ATP2B2: variants seen among roughly 807,000 people sequenced by gnomAD.
ATP2B2 encodes the protein ATPase plasma membrane Ca2+ transporting 2.
Under a neutral mutation model 120.0 loss-of-function variants are expected in ATP2B2, and 15 were observed. That is an observed-to-expected ratio of 0.12 (90% CI 0.08 to 0.19). The LOEUF is 0.19. ATP2B2 is among the 10% of genes least tolerant of loss of function. The probability of loss-of-function intolerance (pLI) is 1.00; values close to 1 mark genes in which losing one functional copy is unlikely to be tolerated. For missense variants in ATP2B2, 1,045 were observed against 1,719.8 expected (o/e 0.61, Z 6.94); for synonymous variants, 694 against 700.3 (o/e 0.99, Z 0.14).
chr3:10,610,646 A>G (rs2069208789), intron 2 of ATP2B2, among the ~76,000 whole-genome samples: 1 of 152,224 alleles, frequency 6.6e-6, no homozygotes, highest in Non-Finnish European at 1.5e-5. Context: ...TCTCGCAAGC[A>G]AAAGTGAGCC....
chr3:10,374,352 A>T (rs2061325728), intron 11 of ATP2B2, among the ~76,000 whole-genome samples: 1 of 152,182 alleles, frequency 6.6e-6, no homozygotes, highest in Admixed American at 6.5e-5. Flanking sequence ...CAGGAAGACG[A>T]TAAGGGCCGT....
intron 22 of ATP2B2, among the ~76,000 whole-genome samples, chr3:10,331,329 AGAATGG>A (rs1265229997): frequency 6.6e-6 from 1 of 152,246 alleles, no homozygotes; most frequent in Admixed American, 6.5e-5. Context: ...TCTTGTTTGT[AGAATGG>A]GAATAGCATC....
rs527270453 is a variant in ATP2B2, at chr3:10,582,453, G to A, written c.-415+37464C>T. On this transcript the variant is annotated intron_variant, in intron 2 of 21. Transcript: ENST00000646379. ...TCCAGGGATGGACTCTCGGACTGAC[G>A]TTCCAGTGGGGAGACAGATGATGAA... Among the ~76,000 whole-genome samples, 5 of 152,302 alleles carry A rather than the reference G, an allele frequency of 3.3e-5. No individual in the cohort carries two copies. The South Asian group carries it at 1.0e-3, about 32-fold the overall frequency.
chr3:10,491,339 C>T (rs921502771), intron 1 of ATP2B2, among the ~76,000 whole-genome samples: 3 of 151,832 alleles, frequency 2.0e-5, no homozygotes, highest in African/African-American at 4.8e-5. Context: ...AGTTCTCCTG[C>T]CTCAGCCTCC....
At chr3:10,587,336 G>GTATATATGTCTCAATATATATGTA (rs2068534478) in intron 2 of ATP2B2, among the ~76,000 whole-genome samples, 4 of 151,022 alleles carry the variant, frequency 2.6e-5, no homozygotes, top group South Asian at 2.1e-4. Context: ...CAATATATAT[G>GTATATATGTCTCAATATATATGTA]TATATATATA....
intron 5 of ATP2B2, among the ~76,000 whole-genome samples, chr3:10,396,077 C>T (rs144140466): frequency 2.6e-5 from 4 of 152,356 alleles, no homozygotes; most frequent in African/African-American, 7.2e-5. Flanking sequence ...TTTCTGAAGG[C>T]TGGTCTGCCC....
chr3:10,546,767 T>TGGGGAGACTGAGGCTCTTAG (rs1448760625), intron 2 of ATP2B2, among the ~76,000 whole-genome samples: 1 of 152,114 alleles, frequency 6.6e-6, no homozygotes, highest in Non-Finnish European at 1.5e-5. Flanking sequence ...CACTTTACAA[T>TGGGGAGACTGAGGCTCTTAG]GGGGAGACTG....
chr3:10,593,299 G>T (rs959327194), intron 2 of ATP2B2, among the ~76,000 whole-genome samples: 3 of 152,200 alleles, frequency 2.0e-5, no homozygotes, highest in African/African-American at 7.2e-5. Flanking sequence ...TTTCACAGAT[G>T]AAAAACTGAG....
chr3:10,621,197 GTTCTC>G (rs1228511125), intron 1 of ATP2B2, among the ~76,000 whole-genome samples: 1 of 152,000 alleles, frequency 6.6e-6, no homozygotes, highest in Non-Finnish European at 1.5e-5. Flanking sequence ...CCTCCATCCT[GTTCTC>G]TTCTACTGCA....
intron 1 of ATP2B2, among the ~76,000 whole-genome samples, chr3:10,634,356 C>T (rs1436191205): frequency 2.6e-5 from 4 of 152,186 alleles, no homozygotes; most frequent in African/African-American, 9.7e-5. Context: ...CCAATATCTG[C>T]CATAGCACCA....
chr3:10,633,473 T>C (rs2069929752), intron 1 of ATP2B2, among the ~76,000 whole-genome samples: 1 of 152,230 alleles, frequency 6.6e-6, no homozygotes, highest in Non-Finnish European at 1.5e-5. Flanking sequence ...CAAGTCTTCA[T>C]GTATTAATCA....
chr3:10,517,743 T>G (rs1405462786), intron 3 of ATP2B2, among the ~76,000 whole-genome samples: 1 of 152,234 alleles, frequency 6.6e-6, no homozygotes, highest in Non-Finnish European at 1.5e-5. Context: ...GCCTTGCACA[T>G]GCACAGTCTC....
chr3:10,568,676 G>A (rs2068060781), intron 2 of ATP2B2, among the ~76,000 whole-genome samples: 1 of 152,208 alleles, frequency 6.6e-6, no homozygotes, highest in South Asian at 2.1e-4. Flanking sequence ...AATCGTGTGT[G>A]ACTTCCTTAT....
At chr3:10,345,048 C>T (rs1375758991) in intron 18 of ATP2B2, among the ~76,000 whole-genome samples, 10 of 152,230 alleles carry the variant, frequency 6.6e-5, no homozygotes, top group Non-Finnish European at 1.0e-4. Flanking sequence ...CTCCCTCTGC[C>T]CTCGTGGTGG....
At chr3:10,646,632 C>T (rs1217857641) in intron 1 of ATP2B2, among the ~76,000 whole-genome samples, 1 of 152,138 alleles carries the variant, frequency 6.6e-6, no homozygotes, top group Non-Finnish European at 1.5e-5. Context: ...GCGCCACCCA[C>T]CCAGCGGACA....
At chr3:10,500,885 C>T (rs781470505) in intron 1 of ATP2B2, among the ~76,000 whole-genome samples, 2 of 152,226 alleles carry the variant, frequency 1.3e-5, no homozygotes, top group South Asian at 4.1e-4. Context: ...TCTGACCCTT[C>T]ACCCCAAGGG....
At chr3:10,451,889 C>A (rs1158896236) in intron 1 of ATP2B2, among the ~76,000 whole-genome samples, 1 of 152,204 alleles carries the variant, frequency 6.6e-6, no homozygotes, top group African/African-American at 2.4e-5. Context: ...TACTCCCCTG[C>A]CATTTCTTAA....
rs2069101363 is a variant in ATP2B2, at chr3:10,606,962, GAGA to G, written c.-415+12952_-415+12954del. ...AGGGAGAGGGAGAGGGGGAGGGGGG[GAGA>G]GAGAGAGAGAGAGAAAGAAAGAGAG... On this transcript the variant is annotated intron_variant, in intron 2 of 21. Coordinates refer to the ATP2B2 transcript ENST00000646379. Among the ~76,000 whole-genome samples, 20 of 74,148 alleles carry G rather than the reference GAGA, an allele frequency of 2.7e-4. No homozygotes were observed. In the East Asian group the frequency reaches 6.0e-3, roughly 22 times the overall value. The allele number at this position is 74,148 out of a possible 152,430, so 48.6% of individuals were successfully genotyped here. A position where few individuals can be genotyped will look rare whatever the true frequency, so the allele number is the denominator to read the frequency against.
chr3:10,401,122 C>G lies in ATP2B2; in HGVS notation c.656-44G>C, dbSNP rs368690766. 1,001 of 1,610,802 alleles carry G rather than the reference C, an allele frequency of 6.2e-4. 3 individuals carry two copies. The highest frequency in any genetic ancestry group is 5.5e-3 in the Middle Eastern group (33 of 6,038). ...GGGGAGTCAGCAGGCTCTCAGGTGACTAGAGGGCTGGAACATTCCCTTAAA... is the reference window on the plus strand; with the variant it reads ...GGGGAGTCAGCAGGCTCTCAGGTGAGTAGAGGGCTGGAACATTCCCTTAAA... On this transcript the variant is annotated intron_variant, in intron 4 of 22. Coordinates refer to ENST00000360273, the MANE Select transcript of ATP2B2 (RefSeq NM_001001331.4).
Sources: gnomAD v4.1 joint callset for allele counts (sites outside exome capture counted in the v4.1 genomes callset) on GRCh38, gnomAD v4.1.1 for gene constraint, MANE v1.5 for transcripts, NCBI Gene and HGNC (gene_info 2026-07-23, HGNC 2026-07-21) for gene names.